Variants in DYNC1I1 observed in about 807,000 individuals in gnomAD.
DYNC1I1 encodes the protein dynein cytoplasmic 1 intermediate chain 1.
DYNC1I1 carries 43 observed loss-of-function variants against 86.6 expected under a neutral mutation model. That is an observed-to-expected ratio of 0.50 (90% confidence interval 0.39 to 0.64). DYNC1I1 has a LOEUF of 0.64. Ranked by LOEUF, DYNC1I1 falls within the 30% of genes least tolerant of loss-of-function variation. The probability of loss-of-function intolerance (pLI) is 0.00; values close to 1 mark genes in which losing one functional copy is unlikely to be tolerated. For missense variants in DYNC1I1, 604 were observed against 788.8 expected (o/e 0.77, Z 2.81); for synonymous variants, 262 against 283.7 (o/e 0.92, Z 0.77).
At chr7:95,835,943 C>A (rs1246780660) in intron 5 of DYNC1I1, among the ~76,000 whole-genome samples, 1 of 152,152 alleles carries the variant, frequency 6.6e-6, no homozygotes, top group Non-Finnish European at 1.5e-5. Flanking sequence ...CAGTCTGTAT[C>A]TTTTAATTGG....
chr7:96,039,843 TG>T (rs1227944604), intron 14 of DYNC1I1, among the ~76,000 whole-genome samples: 1 of 152,136 alleles, frequency 6.6e-6, no homozygotes, highest in African/African-American at 2.4e-5. Context: ...ATTTGGGACT[TG>T]GGTTTTTTTT....
At chr7:95,813,849 C>T (rs1232743568) in intron 4 of DYNC1I1, among the ~76,000 whole-genome samples, 2 of 152,098 alleles carry the variant, frequency 1.3e-5, no homozygotes, top group African/African-American at 4.8e-5. Context: ...GTAGTAGTAT[C>T]AGGATTGGCT....
chr7:95,962,667 A>G (rs942048420), intron 6 of DYNC1I1, among the ~76,000 whole-genome samples: 2 of 152,216 alleles, frequency 1.3e-5, no homozygotes, highest in African/African-American at 4.8e-5. Flanking sequence ...AGGAGCACAG[A>G]AATTAGCATC....
intron 6 of DYNC1I1, among the ~76,000 whole-genome samples, chr7:95,943,585 A>T (rs1792304032): frequency 1.1e-5 from 1 of 94,362 alleles, no homozygotes; most frequent in South Asian, 3.7e-4. Flanking sequence ...AAGCCAAAAG[A>T]ACAAAGCTGG....
chr7:95,908,616 C>T (rs1249567469), intron 6 of DYNC1I1, among the ~76,000 whole-genome samples: 1 of 152,120 alleles, frequency 6.6e-6, no homozygotes, highest in Non-Finnish European at 1.5e-5. Flanking sequence ...CGTCTGGCCT[C>T]TCTGGGTGGG....
intron 7 of DYNC1I1, among the ~76,000 whole-genome samples, chr7:95,984,214 A>G (rs1245132084): frequency 6.6e-6 from 1 of 152,206 alleles, no homozygotes; most frequent in South Asian, 2.1e-4. Flanking sequence ...TATTTGTTCC[A>G]TGTGTTTGTT....
At chr7:96,063,725 C>T (rs1379848816) in intron 14 of DYNC1I1, among the ~76,000 whole-genome samples, 2 of 152,126 alleles carry the variant, frequency 1.3e-5, no homozygotes, top group African/African-American at 4.8e-5. Context: ...GTCTCATATT[C>T]CAAGGTACTG....
At chr7:95,932,885 T>TA (rs1209594302) in intron 6 of DYNC1I1, among the ~76,000 whole-genome samples, 1 of 150,412 alleles carries the variant, frequency 6.6e-6, no homozygotes, top group Non-Finnish European at 1.5e-5. Flanking sequence ...TTTAATTTTT[T>TA]TTTTTTTTTT....
intron 14 of DYNC1I1, among the ~76,000 whole-genome samples, chr7:96,043,930 G>A (rs957642484): frequency 2.0e-5 from 3 of 152,102 alleles, no homozygotes; most frequent in African/African-American, 4.8e-5. Flanking sequence ...GGCTGGTCTC[G>A]AACTCCTGAC....
At chr7:95,825,122 G>A (rs11766050) in intron 4 of DYNC1I1, among the ~76,000 whole-genome samples, 10,202 of 152,284 alleles carry the variant, frequency 0.067, 461 homozygotes, top group Non-Finnish European at 0.096. Context: ...TGTGCCAGGA[G>A]GCAAGGCTGT....
chr7:96,086,082 C>T (rs928307129), intron 16 of DYNC1I1, among the ~76,000 whole-genome samples: 4 of 152,134 alleles, frequency 2.6e-5, no homozygotes, highest in African/African-American at 4.8e-5. Context: ...GAATTATTCA[C>T]GTGTCCTGAT....
At chr7:95,946,743 A>C (rs1376481454) in intron 6 of DYNC1I1, among the ~76,000 whole-genome samples, 1 of 152,230 alleles carries the variant, frequency 6.6e-6, no homozygotes, top group Non-Finnish European at 1.5e-5. Flanking sequence ...AGATGCTAAG[A>C]ACACTATAGT....
At chr7:95,781,332 A>G (rs1793987892) in intron 1 of DYNC1I1, among the ~76,000 whole-genome samples, 1 of 152,226 alleles carries the variant, frequency 6.6e-6, no homozygotes, top group African/African-American at 2.4e-5. Flanking sequence ...GAAATCCCAT[A>G]TCTTATGCCA....
chr7:95,931,469 A>G (rs1791896604), intron 6 of DYNC1I1, among the ~76,000 whole-genome samples: 1 of 151,206 alleles, frequency 6.6e-6, no homozygotes, highest in African/African-American at 2.4e-5. Flanking sequence ...TTTTTAACTT[A>G]AAAGAATCTA....
intron 6 of DYNC1I1, among the ~76,000 whole-genome samples, chr7:95,920,276 A>G (rs1414977309): frequency 6.6e-6 from 1 of 152,216 alleles, no homozygotes; most frequent in Non-Finnish European, 1.5e-5. Context: ...CCGTCTAATC[A>G]TGAGAAAAAC....
At position 95,944,082 on chromosome 7, in the gene DYNC1I1, T is replaced by G. The variant is rs560723605; in HGVS notation, c.491-33430T>G. 1.5e-3 allele frequency among the ~76,000 whole-genome samples: 234 copies of G among 152,278 alleles called. 1 individual carries two copies. The highest frequency in any genetic ancestry group is 5.4e-3 in the African/African-American group (226 of 41,552). ...GAAAAGAAAGTACCATCAGAGTGAATAGGCAACCTACAAAATTGGAGAAAA... is the reference window on the plus strand; with the variant it reads ...GAAAAGAAAGTACCATCAGAGTGAAGAGGCAACCTACAAAATTGGAGAAAA... On this transcript the variant is annotated intron_variant, in intron 6 of 16. Coordinates refer to ENST00000447467, the MANE Select transcript of DYNC1I1 (RefSeq NM_001135556.2).
intron 15 of DYNC1I1, 27 bp downstream of exon 15, chr7:96,076,224 CG>C (rs1185730438): frequency 7.4e-6 from 12 of 1,611,772 alleles, no homozygotes; most frequent in Non-Finnish European, 9.3e-6. Context: ...GCGCCCGGGC[CG>C]GAGGGCTGGG....
At chr7:95,833,830 G>A (rs1304857538) in intron 5 of DYNC1I1, among the ~76,000 whole-genome samples, 2 of 147,818 alleles carry the variant, frequency 1.4e-5, no homozygotes, top group East Asian at 2.0e-4. Context: ...TGTATCCTGA[G>A]ACTTTGCTGA....
intron 13 of DYNC1I1, among the ~76,000 whole-genome samples, chr7:96,036,047 C>G (rs1309378381): frequency 1.3e-5 from 2 of 152,156 alleles, no homozygotes; most frequent in Non-Finnish European, 2.9e-5. Context: ...AGCCATGTGC[C>G]CATCAGAGAT....
Sources: gnomAD v4.1 joint callset for allele counts (sites outside exome capture counted in the v4.1 genomes callset) on GRCh38, gnomAD v4.1.1 for gene constraint, MANE v1.5 for transcripts, NCBI Gene and HGNC (gene_info 2026-07-23, HGNC 2026-07-21) for gene names.